Variants in PALMD observed in about 807,000 individuals in gnomAD.
The protein encoded by PALMD is palmdelphin.
In PALMD, 42 loss-of-function variants were observed where a neutral mutation model predicts 56.2. The observed-to-expected ratio is 0.75, with a 90% CI of 0.58 to 0.97. The LOEUF is 0.97. Ranked by LOEUF, PALMD falls within the 50% of genes least tolerant of loss-of-function variation. The pLI is 0.00. For missense variants in PALMD, 660 were observed against 643.8 expected (o/e 1.03, Z -0.27); for synonymous variants, 242 against 222.9 (o/e 1.09, Z -0.76).
chr1:99,668,282 T>G (rs1282490258), intron 3 of PALMD: 1 of 153,370 alleles, frequency 6.5e-6, no homozygotes, highest in African/African-American at 2.4e-5. Context: ...ACAGTAGAAA[T>G]TTTACTATAA....
intron 3 of PALMD, chr1:99,683,138 GAAAGAAAGAAAGAAAGAAAGAAA>G (rs1557674058): frequency 4.8e-5 from 6 of 124,148 alleles, no homozygotes; most frequent in African/African-American, 4.0e-5. Flanking sequence ...AAGAAAGAAA[GAAAGAAAGAAAGAAAGAAAGAAA>G]GAAAGAAACG....
chr1:99,672,569 C>T (rs565515360), intron 3 of PALMD, among the ~76,000 whole-genome samples: 1 of 152,146 alleles, frequency 6.6e-6, no homozygotes, highest in Non-Finnish European at 1.5e-5. Context: ...AGGAGGTATG[C>T]CCCCAGCAAC....
At chr1:99,657,615 C>T (rs2100856468) in intron 1 of PALMD, among the ~76,000 whole-genome samples, 1 of 152,300 alleles carries the variant, frequency 6.6e-6, no homozygotes, top group Middle Eastern at 3.4e-3. Context: ...TATCATTCTT[C>T]TTCCCCTGAA....
At chr1:99,663,634 C>T (rs1652902387) in intron 2 of PALMD, among the ~76,000 whole-genome samples, 1 of 151,964 alleles carries the variant, frequency 6.6e-6, no homozygotes, top group Non-Finnish European at 1.5e-5. Context: ...ATCTGGATCT[C>T]CCAATGAACT....
At chr1:99,663,433 TAA>T (rs573374790) in intron 2 of PALMD, among the ~76,000 whole-genome samples, 1 of 147,258 alleles carries the variant, frequency 6.8e-6, no homozygotes, top group South Asian at 2.1e-4. Context: ...CAATGAAATT[TAA>T]AAAAAAAAAG....
chr1:99,683,058 G>A (rs199978199), intron 3 of PALMD, among the ~76,000 whole-genome samples: 3,131 of 17,238 alleles, frequency 0.18, 222 homozygotes, highest in East Asian at 0.32. Context: ...GAAAGAAAGA[G>A]AGAGAGAGAG....
chr1:99,659,070 C>A (rs953652069), intron 1 of PALMD, among the ~76,000 whole-genome samples: 7 of 152,126 alleles, frequency 4.6e-5, no homozygotes, highest in Non-Finnish European at 7.4e-5. Flanking sequence ...AATCAATAAT[C>A]AAACAACTCA....
intron 2 of PALMD, among the ~76,000 whole-genome samples, chr1:99,666,006 A>G (rs12091761): frequency 0.011 from 1,628 of 152,276 alleles, 30 homozygotes; most frequent in African/African-American, 0.037. Flanking sequence ...TGCTCTTGTG[A>G]TGTATATCGT....
intron 3 of PALMD, chr1:99,668,123 A>G (rs1252800241): frequency 5.7e-6 from 1 of 175,346 alleles, no homozygotes; most frequent in African/African-American, 2.4e-5. Flanking sequence ...AAAGTGATGC[A>G]CCTGCCTCGG....
At chr1:99,660,653 A>G (rs373241324) in intron 1 of PALMD, among the ~76,000 whole-genome samples, 5 of 152,090 alleles carry the variant, frequency 3.3e-5, no homozygotes, top group South Asian at 2.1e-4. Flanking sequence ...TTTTTTTCAA[A>G]AGAAATACTT....
At chr1:99,690,647 T>A (rs999378001) in intron 7 of PALMD, among the ~76,000 whole-genome samples, 2 of 152,158 alleles carry the variant, frequency 1.3e-5, no homozygotes, top group East Asian at 3.8e-4. Context: ...AAATACTATA[T>A]TCTAGTTATC....
chr1:99,668,555 T>C (rs1653018876), intron 3 of PALMD: 1 of 152,204 alleles, frequency 6.6e-6, no homozygotes, highest in African/African-American at 2.4e-5. Context: ...ATCATATTTC[T>C]CTCAGGCACC....
At chr1:99,669,502 G>A (rs954321338) in intron 3 of PALMD, 7 of 152,144 alleles carry the variant, frequency 4.6e-5, no homozygotes, top group African/African-American at 1.4e-4. Flanking sequence ...ATCTCTGAAG[G>A]AGTCCTGAAT....
chr1:99,656,584 C>T (rs1048544289), intron 1 of PALMD, among the ~76,000 whole-genome samples: 3 of 152,136 alleles, frequency 2.0e-5, no homozygotes, highest in Non-Finnish European at 2.9e-5. Flanking sequence ...CACTAACTTG[C>T]CCCTTCCAAT....
chr1:99,678,407 G>A (rs1653263284), intron 3 of PALMD, among the ~76,000 whole-genome samples: 2 of 152,032 alleles, frequency 1.3e-5, no homozygotes, highest in Admixed American at 1.3e-4. Flanking sequence ...GCCTGGCCCA[G>A]TAACTCATCT....
chr1:99,683,132 AAG>A (rs1653406072), intron 3 of PALMD: 2 of 123,632 alleles, frequency 1.6e-5, no homozygotes, highest in East Asian at 4.2e-4. Context: ...GAAAGAAAGA[AAG>A]AAAGAAAGAA....
chr1:99,674,233 A>G (rs952951793), intron 3 of PALMD, among the ~76,000 whole-genome samples: 7 of 152,166 alleles, frequency 4.6e-5, no homozygotes, highest in African/African-American at 1.4e-4. Context: ...GTTAGTAGAA[A>G]TAAAGATTAA....
chr1:99,649,830 A>G (rs529254185), intron 1 of PALMD, among the ~76,000 whole-genome samples: 1 of 152,336 alleles, frequency 6.6e-6, no homozygotes, highest in South Asian at 2.1e-4. Context: ...CTAGAATCCA[A>G]TTTCAGAGAA....
intron 2 of PALMD, among the ~76,000 whole-genome samples, chr1:99,667,388 T>C (rs1359898972): frequency 1.3e-5 from 2 of 152,056 alleles, no homozygotes; most frequent in African/African-American, 4.8e-5. Context: ...GGGCCAGGGA[T>C]CTTCATGCCA....
Sources: gnomAD v4.1 joint callset for allele counts (sites outside exome capture counted in the v4.1 genomes callset) on GRCh38, gnomAD v4.1.1 for gene constraint, MANE v1.5 for transcripts, NCBI Gene and HGNC (gene_info 2026-07-23, HGNC 2026-07-21) for gene names.